Variants in CACNA1C observed in about 807,000 individuals in gnomAD.
CACNA1C encodes the protein voltage-dependent L-type calcium channel subunit alpha-1C.
In CACNA1C, 30 loss-of-function variants were observed where a neutral mutation model predicts 229.0. The observed-to-expected ratio is 0.13, with a 90% CI of 0.10 to 0.18. The LOEUF (loss-of-function observed/expected upper bound fraction) is 0.18, where lower values mean the gene tolerates loss of function less well. Ranked by LOEUF, CACNA1C falls within the 10% of genes least tolerant of loss-of-function variation. The pLI is 1.00. For synonymous variants in CACNA1C, 1,114 were observed against 1,132.5 expected (o/e 0.98, Z 0.33); for missense variants, 1,658 against 2,845.0 (o/e 0.58, Z 9.49).
At chr12:2,310,917 C>T (rs1176217748) in intron 3 of CACNA1C, among the ~76,000 whole-genome samples, 1 of 152,134 alleles carries the variant, frequency 6.6e-6, no homozygotes, top group African/African-American at 2.4e-5. Context: ...GAAGACAGCC[C>T]CTACGTTCAG....
intron 3 of CACNA1C, among the ~76,000 whole-genome samples, chr12:2,249,572 C>T (rs141955301): frequency 2.6e-5 from 4 of 152,266 alleles, no homozygotes; most frequent in Admixed American, 6.5e-5. Flanking sequence ...CCTGCTGGTA[C>T]TCCTCTGCAG....
rs1346513846 is a variant in CACNA1C, at chr12:2,608,562, C to T, written c.3408C>T (p.Tyr1136=). Residue 1136 remains tyrosine (Y), a synonymous_variant, in exon 27 of 47, where the codon TAC becomes TAT. Coordinates refer to ENST00000399655, the MANE Select transcript of CACNA1C (RefSeq NM_000719.7). This position sits in a 1 kb window ranked among gnomAD's most constrained non-coding sequence, Gnocchi z 4.2. The stretch of plus-strand genomic sequence containing the variant: ...ACACGGAAGACAAGGGCCCCATCTA[C>T]AACTACCGTGTGGAGATCTCCATCT... The part of the protein sequence containing the change: ...DSHTEDKGPI[Y]NYRVEISIFF... 8 of 1,613,742 alleles carry T rather than the reference C, an allele frequency of 5.0e-6. No individual in the cohort carries two copies. The highest frequency in any genetic ancestry group is 1.1e-5 in the South Asian group (1 of 90,990).
In CACNA1C at chr12:2,679,885, C is replaced by G; in HGVS notation, c.5444+89C>G. ...CAGTGGAGGAGACGGAGGCCTCGGC[C>G]AGCCACTTGTCCCTCAAGCTTCCAG... On this transcript the variant is annotated intron_variant, in intron 42 of 46. Coordinates refer to ENST00000399655, the MANE Select transcript of CACNA1C (RefSeq NM_000719.7). The surrounding 1 kb of genome is among the most constrained non-coding windows in gnomAD (Gnocchi z 5.5). 1 of 942,876 alleles carries G rather than the reference C, an allele frequency of 1.1e-6. No homozygotes were observed. Among genetic ancestry groups the G allele is most frequent in the Non-Finnish European group, 1.6e-6 (1 of 632,938 alleles). The allele number at this position is 942,876 out of a possible 1,614,324, so 58.4% of individuals were successfully genotyped here. A position where few individuals can be genotyped will look rare whatever the true frequency, so the allele number is the denominator to read the frequency against.
At chr12:2,344,140 A>T (rs1311846782) in intron 3 of CACNA1C, among the ~76,000 whole-genome samples, 1 of 152,176 alleles carries the variant, frequency 6.6e-6, no homozygotes, top group African/African-American at 2.4e-5. Flanking sequence ...TGAAATCCAG[A>T]ATATCATATT....
At chr12:2,400,155 A>T (rs796610996) in intron 3 of CACNA1C, among the ~76,000 whole-genome samples, 9 of 152,306 alleles carry the variant, frequency 5.9e-5, no homozygotes, top group African/African-American at 2.2e-4. Flanking sequence ...ATAATATTAA[A>T]TCCATTTTAC....
intron 2 of CACNA1C, among the ~76,000 whole-genome samples, chr12:2,115,813 T>G (rs564829522): frequency 2.0e-5 from 3 of 152,372 alleles, no homozygotes; most frequent in South Asian, 2.1e-4. Flanking sequence ...TTTGTTTTTT[T>G]CATATAATAA....
At chr12:2,174,290 A>C (rs1251043459) in intron 3 of CACNA1C, among the ~76,000 whole-genome samples, 2 of 152,194 alleles carry the variant, frequency 1.3e-5, no homozygotes, top group Non-Finnish European at 2.9e-5. Context: ...GCAAGTCCCT[A>C]TAGTCATAAA....
chr12:2,483,909 T>C (rs372397937), intron 5 of CACNA1C, among the ~76,000 whole-genome samples: 36 of 152,330 alleles, frequency 2.4e-4, no homozygotes, highest in African/African-American at 8.4e-4. Flanking sequence ...CAGGTGTCTG[T>C]GCAGCAATAC....
chr12:2,052,678 T>G (rs2052570918), upstream of CACNA1C, among the ~76,000 whole-genome samples: 2 of 143,826 alleles, frequency 1.4e-5, no homozygotes, highest in Admixed American at 1.4e-4. Flanking sequence ...CCCCGGGGGC[T>G]CCTCACGCCG....
intron 3 of CACNA1C, among the ~76,000 whole-genome samples, chr12:2,421,416 C>G (rs1267570708): frequency 6.6e-6 from 1 of 152,182 alleles, no homozygotes; most frequent in African/African-American, 2.4e-5. Context: ...TTAAATCTGC[C>G]TCAATTCTTT....
chr12:2,084,635 G>A (rs1176493341), intron 1 of CACNA1C, among the ~76,000 whole-genome samples: 1 of 152,194 alleles, frequency 6.6e-6, no homozygotes, highest in Non-Finnish European at 1.5e-5. Flanking sequence ...GGCTTCAGCT[G>A]TGTGCCGACT....
intron 1 of CACNA1C, among the ~76,000 whole-genome samples, chr12:2,096,037 G>A (rs1027668672): frequency 4.6e-5 from 7 of 152,182 alleles, no homozygotes; most frequent in Non-Finnish European, 1.0e-4. Context: ...ACAGAGATGA[G>A]CACGTCATGG....
At chr12:2,065,645 TATAAAG>T (rs1466883178) in intron 1 of CACNA1C, among the ~76,000 whole-genome samples, 1 of 152,114 alleles carries the variant, frequency 6.6e-6, no homozygotes, top group African/African-American at 2.4e-5. Context: ...GTTACAAGGA[TATAAAG>T]ATAAAGGCTC....
In CACNA1C at chr12:2,497,969, T is replaced by TCACACACACACACACACACACA. The variant is rs3058710; in HGVS notation, c.1113+4596_1113+4617dup. ...TGCGGAGAAGGTATTTCTATTAAAT[T>TCACACACACACACACACACACA]CACACACACACACACACACACACAC... On this transcript the variant is annotated intron_variant, in intron 7 of 46. Coordinates refer to ENST00000399655, the MANE Select transcript of CACNA1C (RefSeq NM_000719.7). Among the ~76,000 whole-genome samples the TCACACACACACACACACACACA allele has an allele frequency of 6.8e-3, 972 of 143,978 alleles. 20 individuals carry two copies. The highest frequency in any genetic ancestry group is 0.065 in the East Asian group (302 of 4,640). The allele number at this position is 143,978 out of a possible 152,430, so 94.5% of individuals were successfully genotyped here.
At chr12:2,263,358 G>A (rs2081112657) in intron 3 of CACNA1C, among the ~76,000 whole-genome samples, 2 of 152,210 alleles carry the variant, frequency 1.3e-5, no homozygotes, top group African/African-American at 4.8e-5. Context: ...GGTATGGCTG[G>A]AACACAGCAA....
At chr12:2,104,546 T>A (rs1319368950) in intron 1 of CACNA1C, among the ~76,000 whole-genome samples, 2 of 152,232 alleles carry the variant, frequency 1.3e-5, no homozygotes, top group Admixed American at 1.3e-4. Flanking sequence ...TCTGTTTGTA[T>A]TTGAATACCC....
At chr12:2,489,901 T>C (rs1158408826) in intron 6 of CACNA1C, among the ~76,000 whole-genome samples, 3 of 152,260 alleles carry the variant, frequency 2.0e-5, no homozygotes, top group Non-Finnish European at 2.9e-5. Context: ...TCCCACTTCA[T>C]GTTCCCACTT....
intron 1 of CACNA1C, among the ~76,000 whole-genome samples, chr12:2,030,935 C>A (rs755670899): frequency 1.3e-5 from 2 of 152,212 alleles, no homozygotes; most frequent in East Asian, 3.8e-4. Context: ...AAGACAGAGG[C>A]AAGCTTTGTC....
chr12:2,606,701 G>T, intron 25 of CACNA1C, 38 bp downstream of exon 25: 1 of 1,578,624 alleles, frequency 6.3e-7, no homozygotes, highest in Non-Finnish European at 8.7e-7. Context: ...GCCACGGCCG[G>T]TCAGCCCCAG....
Sources: gnomAD v4.1 joint callset for allele counts (sites outside exome capture counted in the v4.1 genomes callset) on GRCh38, gnomAD v4.1.1 for gene constraint, Gnocchi (gnomAD v3.1) non-coding constraint, MANE v1.5 for transcripts, NCBI Gene and HGNC (gene_info 2026-07-23, HGNC 2026-07-21) for gene names.